Variants in ATAD2 observed in about 807,000 individuals in gnomAD.
ATAD2 encodes ATPase family AAA domain containing 2.
ATAD2 carries 62 observed loss-of-function variants against 168.9 expected under a neutral mutation model. The observed-to-expected ratio is 0.37, with a 90% CI of 0.30 to 0.45. The LOEUF (loss-of-function observed/expected upper bound fraction) is 0.45, where lower values mean the gene tolerates loss of function less well. Among genes scored for constraint, ATAD2 ranks in the 20% least tolerant of loss-of-function variants. The pLI, the probability that ATAD2 is intolerant of heterozygous loss-of-function variation, is 1.00. For missense variants in ATAD2, 1,419 were observed against 1,667.8 expected, an observed-to-expected ratio of 0.85 and a Z score of 2.60; for synonymous variants, 613 against 571.6, an observed-to-expected ratio of 1.07 and a Z score of -1.03.
At position 123,349,404 on chromosome 8, in the gene ATAD2, C is replaced by T. The variant is rs758882807; in HGVS notation, c.1687G>A (p.Asp563Asn). The change falls in exon 14 of 28, where the codon GAC becomes AAC. Residue 563 changes from aspartate to asparagine, a missense_variant. Physicochemically the swap from Asp to Asn is conservative, Grantham distance 23. This residue lies in a region of ATAD2 where 545 missense variants were observed against 724.9 expected (regional missense o/e 0.75). Transcript: ENST00000287394. ...ATGACCACAATTTCCCCTCTGCTGT[C>T]CAATCCATCCATAAGAGCTAGCAGG... is the stretch of plus-strand genomic sequence containing the variant. The part of the protein sequence containing the change: ...STLLALMDGL[D>N]SRGEIVVIGA... 2 of 1,613,982 alleles carry T rather than the reference C, an allele frequency of 1.2e-6. No homozygotes were observed. The highest frequency in any genetic ancestry group is 2.2e-5 in the South Asian group (2 of 91,078).
At chr8:123,368,139 C>A (rs114145315) in intron 8 of ATAD2, among the ~76,000 whole-genome samples, 1 of 152,086 alleles carries the variant, frequency 6.6e-6, no homozygotes, top group African/African-American at 2.4e-5. Context: ...TCTCTTTGAC[C>A]GGGTGTGGTG....
rs537778818 is a variant in ATAD2 at position 123,323,609 on chromosome 8, C to A, written c.4003-543G>T. ...GCCCTACCAGAATATGCTGCCATTA[C>A]CTCATAATTAACAAAAACACACCAT... On this transcript the variant is annotated intron_variant, in intron 26 of 27. Coordinates refer to ENST00000287394, the MANE Select transcript of ATAD2 (RefSeq NM_014109.4). 2.0e-5 allele frequency among the ~76,000 whole-genome samples: 3 copies of A among 152,124 alleles called. No individual in the cohort carries two copies. In the East Asian group the frequency reaches 5.8e-4, roughly 29 times the overall value.
At chr8:123,397,387 C>T (rs1400899415), upstream of ATAD2, among the ~76,000 whole-genome samples, 2 of 151,926 alleles carry the variant, frequency 1.3e-5, no homozygotes, top group Non-Finnish European at 1.5e-5. Flanking sequence ...GATTGTAATA[C>T]CTAAGGCCCT....
At chr8:123,401,170 GA>G, upstream of ATAD2, 1 of 1,001,810 alleles carries the variant, frequency 1.0e-6, no homozygotes, top group Non-Finnish European at 1.6e-6. Flanking sequence ...AGAGGCAAAT[GA>G]GATCCTGCAG....
chr8:123,371,328 C>A lies in ATAD2; in HGVS notation c.547G>T (p.Ala183Ser). 6.3e-7 allele frequency: 1 copy of A among 1,598,200 alleles called. No individual in the cohort carries two copies. The highest frequency in any genetic ancestry group is 1.2e-5 in the South Asian group (1 of 86,406). ...ATGTCATCCATTTTTTGAAGTACAG[C>A]TTCAGCAGTGCTTTAAAAAAAAGAT... is the stretch of plus-strand genomic sequence containing the variant. ...FDKLITNTAE[A>S]VLQKMDDMKK... Residue 183 changes from alanine (A) to serine (S), a missense_variant, in exon 5 of 28, where the codon GCT (alanine) becomes TCT (serine). Coordinates refer to ENST00000287394, the MANE Select transcript of ATAD2 (RefSeq NM_014109.4).
chr8:123,323,159 T>TGACAGAGGGTAGACCAAGCCATG, intron 26 of ATAD2, 93 bp from the exon 27 acceptor site: 1 of 1,360,774 alleles, frequency 7.3e-7, no homozygotes, highest in Non-Finnish European at 9.9e-7. Context: ...ATTACAAGCC[T>TGACAGAGGGTAGACCAAGCCATG]GACAGAGGGT....
chr8:123,357,750 C>T lies in ATAD2; in HGVS notation c.1383-14G>A. On this transcript the variant is annotated splice_polypyrimidine_tract_variant and intron_variant, in intron 11 of 27. Coordinates refer to ENST00000287394, the MANE Select transcript of ATAD2 (RefSeq NM_014109.4). ...AACAAACAACCTCTGTAAAACAATA[C>T]ATTAACATTTTAGTATTACATTTAA... 6.4e-7 allele frequency: 1 copy of T among 1,563,150 alleles called. No individual in the cohort carries two copies. The highest frequency in any genetic ancestry group is 8.6e-7 in the Non-Finnish European group (1 of 1,159,274).
intron 1 of ATAD2, chr8:123,401,605 C>T: frequency 8.5e-7 from 1 of 1,179,828 alleles, no homozygotes; most frequent in Non-Finnish European, 1.3e-6. Context: ...CCCCAGGGCA[C>T]TGTGTGTACA....
At chr8:123,410,983 C>T (rs1037108084) in intron 1 of ATAD2, among the ~76,000 whole-genome samples, 4 of 152,194 alleles carry the variant, frequency 2.6e-5, no homozygotes, top group African/African-American at 4.8e-5. Context: ...CCGTGACCCA[C>T]GGCTTCTAAT....
chr8:123,382,228 G>A (rs746577162), intron 1 of ATAD2, among the ~76,000 whole-genome samples: 5 of 152,112 alleles, frequency 3.3e-5, no homozygotes, highest in South Asian at 2.1e-4. Context: ...CTCTATTGTC[G>A]AATGTTGTTT....
chr8:123,404,842 C>A (rs567451571), intron 1 of ATAD2, among the ~76,000 whole-genome samples: 31 of 152,276 alleles, frequency 2.0e-4, no homozygotes, highest in African/African-American at 6.7e-4. Context: ...GCCCAGCCCC[C>A]CCTTTCTCTC....
At chr8:123,355,344 C>T (rs1316820546) in intron 13 of ATAD2, among the ~76,000 whole-genome samples, 6 of 152,238 alleles carry the variant, frequency 3.9e-5, no homozygotes, top group Non-Finnish European at 8.8e-5. Context: ...GCAAATATTT[C>T]CTTTAGGATA....
intron 15 of ATAD2, chr8:123,347,973 A>T (rs181623403): frequency 1.7e-6 from 1 of 604,820 alleles, no homozygotes; most frequent in African/African-American, 1.9e-5. Flanking sequence ...TTTAATACCA[A>T]GACTTCATGA....
intron 3 of ATAD2, 101 bp downstream of exon 3, chr8:123,372,536 C>T (rs1188067614): frequency 1.8e-5 from 15 of 850,482 alleles, no homozygotes; most frequent in Non-Finnish European, 2.6e-5. Context: ...ACAAATTATA[C>T]ACTTTAAACA....
chr8:123,411,131 G>T (rs187263612), intron 1 of ATAD2, among the ~76,000 whole-genome samples: 1 of 152,222 alleles, frequency 6.6e-6, no homozygotes, highest in African/African-American at 2.4e-5. Flanking sequence ...TTGTGAACAA[G>T]GACCCCTGGT....
intron 5 of ATAD2, 66 bp downstream of exon 5, chr8:123,371,170 G>T: frequency 7.7e-7 from 1 of 1,290,418 alleles, no homozygotes; most frequent in Non-Finnish European, 1.1e-6. Context: ...ATGAAAAATG[G>T]ATTAGGTACT....
At position 123,371,682 on chromosome 8, in the gene ATAD2, T is replaced by C. The variant is rs1437901603; in HGVS notation, c.524A>G (p.Lys175Arg). ...SGVNQSMLFD[K>R]LITNTAEAVL... ...AATTTTTACTTACTTAGTTATAAGT[T>C]TGTCAAACAGCATGGACTGGTTTAC... Residue 175 changes from lysine to arginine, a missense_variant, in exon 4 of 28, where the codon AAA becomes AGA. Around this residue, in one of 5 missense-constraint regions of ATAD2, gnomAD observed 419 missense variants for 423.5 expected, o/e 0.99. Coordinates refer to ENST00000287394, the MANE Select transcript of ATAD2 (RefSeq NM_014109.4). 3 of 1,598,314 alleles carry C rather than the reference T, an allele frequency of 1.9e-6. No homozygotes were observed. The highest frequency in any genetic ancestry group is 1.1e-5 in the South Asian group (1 of 87,154).
intron 1 of ATAD2, among the ~76,000 whole-genome samples, chr8:123,389,373 C>T (rs1437142000): frequency 6.7e-6 from 1 of 149,056 alleles, no homozygotes; most frequent in Non-Finnish European, 1.5e-5. Context: ...GGCGTGGTGG[C>T]TCACATCTGT....
upstream of ATAD2, among the ~76,000 whole-genome samples, chr8:123,399,020 T>A (rs1311262206): frequency 2.0e-5 from 3 of 152,150 alleles, no homozygotes; most frequent in Non-Finnish European, 4.4e-5. Context: ...CCCCCCACTT[T>A]GGGAGGCCGA....
Sources: gnomAD v4.1 joint callset for allele counts (sites outside exome capture counted in the v4.1 genomes callset) on GRCh38, gnomAD v4.1.1 for gene constraint, gnomAD v4.1.1 regional missense constraint, MANE v1.5 for transcripts, NCBI Gene and HGNC (gene_info 2026-07-23, HGNC 2026-07-21) for gene names.